Variants in CCNY observed in about 807,000 individuals in gnomAD.
The protein encoded by CCNY is cyclin Y.
In CCNY, 19 loss-of-function variants were observed where a neutral mutation model predicts 42.8. The ratio of observed to expected loss-of-function variants is 0.44; its 90% CI spans 0.31 to 0.65. The LOEUF is 0.65. Among genes scored for constraint, CCNY ranks in the 30% least tolerant of loss-of-function variants. The pLI is 0.07. For missense variants in CCNY, 370 were observed against 437.3 expected (o/e 0.85, Z 1.37); for synonymous variants, 165 against 162.7 (o/e 1.01, Z -0.11).
intron 1 of CCNY, among the ~76,000 whole-genome samples, chr10:35,432,139 C>CT (rs1389207285): frequency 6.6e-6 from 1 of 152,166 alleles, no homozygotes; most frequent in Non-Finnish European, 1.5e-5. Flanking sequence ...CCCAGATTGT[C>CT]TAAGTGTAGG....
intron 3 of CCNY, among the ~76,000 whole-genome samples, chr10:35,319,702 C>T (rs896003477): frequency 3.3e-5 from 5 of 151,866 alleles, no homozygotes; most frequent in African/African-American, 7.3e-5. Flanking sequence ...AGTGAAACCC[C>T]GTCTCTACTA....
intron 1 of CCNY, among the ~76,000 whole-genome samples, chr10:35,376,777 G>T (rs1197823732): frequency 6.6e-6 from 1 of 152,166 alleles, no homozygotes; most frequent in African/African-American, 2.4e-5. Flanking sequence ...CATTATGGTA[G>T]GTGAAAGAAG....
At chr10:35,456,069 C>T (rs369388499) in intron 1 of CCNY, among the ~76,000 whole-genome samples, 1 of 152,120 alleles carries the variant, frequency 6.6e-6, no homozygotes, top group African/African-American at 2.4e-5. Context: ...TTTTTCTGCT[C>T]ATGTTTTTCC....
chr10:35,304,227 A>T (rs1835573932), intron 3 of CCNY, among the ~76,000 whole-genome samples: 1 of 152,144 alleles, frequency 6.6e-6, no homozygotes, highest in South Asian at 2.1e-4. Flanking sequence ...AGTAAGGCTG[A>T]GGAGGTTACA....
chr10:35,566,841 G>A (rs1210514492), intron 9 of CCNY, among the ~76,000 whole-genome samples: 2 of 151,734 alleles, frequency 1.3e-5, no homozygotes, highest in Non-Finnish European at 2.9e-5. Context: ...TAGTAGCTGG[G>A]ACTACAGGTG....
chr10:35,554,199 T>C (rs1426277928), intron 8 of CCNY, among the ~76,000 whole-genome samples: 2 of 152,062 alleles, frequency 1.3e-5, no homozygotes, highest in Non-Finnish European at 2.9e-5. Context: ...CTCGTGGGCA[T>C]GTGGGTTCTG....
In CCNY at chr10:35,279,015, G is replaced by A. The variant is rs76291791; in HGVS notation, c.-9+28389G>A. Reference sequence around the variant, plus strand: ...ACAACCAAACAAGACACCCTCTGTTGGGGGCTCAGTGCGGCTCTCCAGAGC... The same window carrying A: ...ACAACCAAACAAGACACCCTCTGTTAGGGGCTCAGTGCGGCTCTCCAGAGC... On this transcript the variant is annotated intron_variant, in intron 3 of 11. Transcript: ENST00000374706. Among the ~76,000 whole-genome samples, 700 of 152,174 alleles carry A rather than the reference G, an allele frequency of 4.6e-3. 5 individuals carry two copies. The highest frequency in any genetic ancestry group is 0.01 in the Middle Eastern group (3 of 292).
intron 4 of CCNY, among the ~76,000 whole-genome samples, chr10:35,521,779 A>ATGC (rs1840552813): frequency 6.6e-6 from 1 of 152,194 alleles, no homozygotes; most frequent in Non-Finnish European, 1.5e-5. Flanking sequence ...CACTGCCAGC[A>ATGC]TGCACGGTAA....
At chr10:35,410,022 C>A (rs1837868980) in intron 1 of CCNY, among the ~76,000 whole-genome samples, 1 of 152,162 alleles carries the variant, frequency 6.6e-6, no homozygotes, top group African/African-American at 2.4e-5. Flanking sequence ...GGATTATAAG[C>A]ATGAGCCCCT....
chr10:35,523,032 T>TA lies in CCNY; in HGVS notation c.366-2931dup, dbSNP rs1840580579. The stretch of plus-strand genomic sequence containing the variant: ...TTGTATAGATAATATGTCACTGACT[T>TA]ACACAGGTTTGAGTCTTTTAAAAAA... On this transcript the variant is annotated intron_variant, in intron 4 of 9. Transcript: ENST00000374704. Among the ~76,000 whole-genome samples, 3 of 152,288 alleles carry TA rather than the reference T, an allele frequency of 2.0e-5. No homozygotes were observed. The South Asian group carries it at 6.2e-4, about 32-fold the overall frequency.
At chr10:35,526,096 A>G (rs909082103) in intron 5 of CCNY, 97 bp downstream of exon 5, 20 of 1,026,108 alleles carry the variant, frequency 1.9e-5, no homozygotes, top group Non-Finnish European at 2.9e-5. Flanking sequence ...TTTGAATTAT[A>G]CTTTCTTAAC....
At chr10:35,250,670 C>T (rs1019695610) in intron 3 of CCNY, 7 of 152,372 alleles carry the variant, frequency 4.6e-5, no homozygotes, top group African/African-American at 1.7e-4. Flanking sequence ...CTAATAGAGC[C>T]TCTTCCTGAC....
At chr10:35,373,766 T>A (rs116534993) in intron 1 of CCNY, among the ~76,000 whole-genome samples, 1 of 152,240 alleles carries the variant, frequency 6.6e-6, no homozygotes, top group African/African-American at 2.4e-5. Context: ...TATATACATA[T>A]ACAAAATATG....
chr10:35,411,512 C>CCAA (rs764966562), intron 1 of CCNY, among the ~76,000 whole-genome samples: 2 of 61,396 alleles, frequency 3.3e-5, no homozygotes, highest in Admixed American at 3.8e-4. Flanking sequence ...AAGACTCTGT[C>CCAA]AAAAAAAAAA....
intron 1 of CCNY, among the ~76,000 whole-genome samples, chr10:35,428,733 A>G (rs916012147): frequency 6.6e-6 from 1 of 152,044 alleles, no homozygotes; most frequent in Admixed American, 6.6e-5. Context: ...GTGGAAGTGA[A>G]GAGAAGTGAT....
chr10:35,560,826 G>A (rs1053425822), intron 8 of CCNY, among the ~76,000 whole-genome samples: 3 of 152,108 alleles, frequency 2.0e-5, no homozygotes, highest in South Asian at 2.1e-4. Flanking sequence ...CAGTAAAACC[G>A]TGTGAGCCCA....
chr10:35,247,898 AAAAG>A (rs779778751), intron 1 of CCNY, among the ~76,000 whole-genome samples: 3 of 150,836 alleles, frequency 2.0e-5, no homozygotes, highest in Non-Finnish European at 2.9e-5. Context: ...AAAAGAAAAG[AAAAG>A]AAAGAAAGAA....
At chr10:35,386,433 G>T (rs1393113239) in intron 1 of CCNY, among the ~76,000 whole-genome samples, 1 of 152,200 alleles carries the variant, frequency 6.6e-6, no homozygotes, top group Non-Finnish European at 1.5e-5. Context: ...AGTTAGACTT[G>T]ATTGTTCTTT....
intron 1 of CCNY, among the ~76,000 whole-genome samples, chr10:35,370,569 A>T (rs1836910506): frequency 6.6e-6 from 1 of 151,998 alleles, no homozygotes; most frequent in African/African-American, 2.4e-5. Context: ...TAGACCTTGG[A>T]TGATAATGAC....
Sources: gnomAD v4.1 joint callset for allele counts (sites outside exome capture counted in the v4.1 genomes callset) on GRCh38, gnomAD v4.1.1 for gene constraint, MANE v1.5 for transcripts, NCBI Gene and HGNC (gene_info 2026-07-23, HGNC 2026-07-21) for gene names.